Variants in FGF13 observed in about 807,000 individuals in gnomAD.
FGF13 encodes fibroblast growth factor homologous factor 2.
In FGF13, 2 loss-of-function variants were observed where a neutral mutation model predicts 19.5. The observed-to-expected ratio is 0.10, with a 90% confidence interval of 0.04 to 0.32. The LOEUF is 0.32. FGF13 is among the 10% of genes least tolerant of loss of function. The pLI, the probability that FGF13 is intolerant of heterozygous loss-of-function variation, is 1.00. For synonymous variants in FGF13, 72 were observed against 76.9 expected, an observed-to-expected ratio of 0.94 and a Z score of 0.33; for missense variants, 113 against 192.7, an observed-to-expected ratio of 0.59 and a Z score of 2.45.
chrX:138,991,067 T>A (rs2092013659), intron 1 of FGF13, among the ~76,000 whole-genome samples: 2 of 111,994 alleles, frequency 1.8e-5, no homozygotes, highest in Non-Finnish European at 3.8e-5. Flanking sequence ...CCACAGTTAC[T>A]AAAGCTCGAA....
intron 1 of FGF13, among the ~76,000 whole-genome samples, chrX:138,923,827 A>G (rs2091658823): frequency 9.0e-6 from 1 of 111,584 alleles, no homozygotes; most frequent in Non-Finnish European, 1.9e-5. Flanking sequence ...CTAGATAAGC[A>G]TATGTATGGC....
chrX:139,027,461 G>T (rs746776140), intron 1 of FGF13, among the ~76,000 whole-genome samples: 1 of 111,983 alleles, frequency 8.9e-6, no homozygotes, highest in Non-Finnish European at 1.9e-5. Flanking sequence ...TCTTTCCTGA[G>T]TATAAGGACT....
In FGF13 at chrX:138,946,869, C is replaced by T. The variant is rs1207686209; in HGVS notation, c.-112-82219G>A. 5.3e-5 allele frequency among the ~76,000 whole-genome samples: 6 copies of T among 112,187 alleles called. No homozygotes were observed. In the East Asian group the frequency reaches 1.4e-3, roughly 26 times the overall value. The stretch of plus-strand genomic sequence containing the variant: ...TCAGAAAACTGGGATGTTCCTGGCT[C>T]TTCTGTCAGTCTCCAACAACTTCCA... On this transcript the variant is annotated intron_variant, in intron 1 of 2. Coordinates refer to the FGF13 transcript ENST00000421460.
downstream of FGF13, among the ~76,000 whole-genome samples, chrX:138,853,400 C>T (rs778147405): frequency 7.2e-5 from 8 of 111,375 alleles, no homozygotes; most frequent in Non-Finnish European, 1.1e-4. Flanking sequence ...AATAACCCAA[C>T]GCATTATCAG....
At chrX:139,176,861 T>C (rs898153916) in intron 1 of FGF13, among the ~76,000 whole-genome samples, 5 of 111,764 alleles carry the variant, frequency 4.5e-5, no homozygotes, top group African/African-American at 1.6e-4. Context: ...AAGTGCGATG[T>C]GTTGCTTTGA....
chrX:138,682,779 T>C (rs2089742551), intron 3 of FGF13, among the ~76,000 whole-genome samples: 1 of 112,246 alleles, frequency 8.9e-6, no homozygotes, highest in South Asian at 3.7e-4. Context: ...ACAGGTTTTA[T>C]TTGTATTACT....
chrX:138,650,485 C>G (rs2089357768), intron 3 of FGF13, among the ~76,000 whole-genome samples: 2 of 111,867 alleles, frequency 1.8e-5, no homozygotes, highest in African/African-American at 6.5e-5. Context: ...ACAAGTCGTA[C>G]ATGTTCCTAC....
rs1474806757 is a variant in FGF13 at position 138,617,579 on chromosome X, G to T, written c.*15271C>A. The T allele has an allele frequency of 9.0e-6, 1 of 111,527 alleles. No individual in the cohort carries two copies. Among genetic ancestry groups the T allele is most frequent in the Non-Finnish European group, 1.9e-5 (1 of 53,162 alleles). 9.2% of individuals were successfully genotyped at this position (111,527 alleles called of 1,213,427 possible). Reference sequence around the variant, plus strand: ...TGTAAAAGAACCAAGGATCATCATGGTAAAGAGAATGAACATGAGGTGTGT... The same window carrying T: ...TGTAAAAGAACCAAGGATCATCATGTTAAAGAGAATGAACATGAGGTGTGT... On this transcript the variant is annotated 3_prime_UTR_variant, in exon 5 of 5. Coordinates refer to ENST00000315930, the MANE Select transcript of FGF13 (RefSeq NM_004114.5).
chrX:139,129,087 C>T (rs1362178079), intron 1 of FGF13, among the ~76,000 whole-genome samples: 1 of 107,330 alleles, frequency 9.3e-6, no homozygotes, highest in Admixed American at 1.0e-4. Context: ...GGCATTCTTC[C>T]CAAACCTGGT....
chrX:138,804,259 T>A (rs775354833), intron 3 of FGF13, among the ~76,000 whole-genome samples: 1 of 112,423 alleles, frequency 8.9e-6, no homozygotes, highest in Non-Finnish European at 1.9e-5. Flanking sequence ...CAAACCCGTT[T>A]TCCTGACCTT....
rs1415967669 is a variant in FGF13, at chrX:138,625,635, G to C, written c.*7215C>G. ...AAGTGAAATAAGCCAGATGAAAAAAGAAAAAAATGCTACATGACATCCTTT... is the reference window on the plus strand; with the variant it reads ...AAGTGAAATAAGCCAGATGAAAAAACAAAAAAATGCTACATGACATCCTTT... On this transcript the variant is annotated 3_prime_UTR_variant, in exon 5 of 5. Transcript: ENST00000315930. 2 of 104,356 alleles carry C rather than the reference G, an allele frequency of 1.9e-5. No individual in the cohort carries two copies. Among genetic ancestry groups the C allele is most frequent in the Non-Finnish European group, 3.9e-5 (2 of 51,184 alleles). 8.6% of individuals were successfully genotyped at this position (104,356 alleles called of 1,213,427 possible). A position where few individuals can be genotyped will look rare whatever the true frequency, so the allele number is the denominator to read the frequency against.
intron 2 of FGF13, among the ~76,000 whole-genome samples, chrX:138,706,032 A>G (rs2089988986): frequency 1.8e-5 from 2 of 112,553 alleles, no homozygotes; most frequent in Non-Finnish European, 3.8e-5. Flanking sequence ...AATCAGAGCC[A>G]TGTACCTAGT....
In FGF13 at chrX:138,989,752, G is replaced by GAA. The variant is rs5903990; in HGVS notation, c.-112-125104_-112-125103dup. ...AAACAATCATAATTTACTATTAACT[G>GAA]AAAAAAAAAAATAGGTAATACATCT... On this transcript the variant is annotated intron_variant, in intron 1 of 2. Transcript: ENST00000421460. 2.9e-3 allele frequency among the ~76,000 whole-genome samples: 293 copies of GAA among 102,358 alleles called. 1 individual carries two copies. The highest frequency in any genetic ancestry group is 8.4e-3 in the African/African-American group (236 of 28,054). The allele number at this position is 102,358 out of a possible 115,157, so 88.9% of individuals were successfully genotyped here.
chrX:139,040,138 T>C (rs2092264190), intron 1 of FGF13, among the ~76,000 whole-genome samples: 1 of 111,962 alleles, frequency 8.9e-6, no homozygotes, highest in South Asian at 3.7e-4. Context: ...TCCCATTTAA[T>C]CCTCACAATA....
intron 3 of FGF13, among the ~76,000 whole-genome samples, chrX:138,776,672 C>T (rs2090589983): frequency 8.9e-6 from 1 of 112,013 alleles, no homozygotes; most frequent in South Asian, 3.8e-4. Context: ...ATTCCTGCTA[C>T]CAAACCTATA....
At chrX:139,033,252 T>G (rs1042510453) in intron 1 of FGF13, among the ~76,000 whole-genome samples, 2 of 111,231 alleles carry the variant, frequency 1.8e-5, no homozygotes, top group African/African-American at 6.5e-5. Context: ...TTTTCATAAC[T>G]GATTTGCAGA....
At chrX:138,686,570 C>T (rs1253932278) in intron 3 of FGF13, among the ~76,000 whole-genome samples, 2 of 111,811 alleles carry the variant, frequency 1.8e-5, no homozygotes, top group Non-Finnish European at 3.8e-5. Flanking sequence ...GATAATATTT[C>T]ATACTCTTAC....
rs1452498682 is a variant in FGF13, at chrX:138,810,772, C to A, written c.217+46740G>T. 3.6e-5 allele frequency among the ~76,000 whole-genome samples: 4 copies of A among 111,767 alleles called. No homozygotes were observed. In the East Asian group the frequency reaches 8.5e-4, roughly 24 times the overall value. On this transcript the variant is annotated intron_variant, in intron 3 of 6. Transcript: ENST00000436198. The stretch of plus-strand genomic sequence containing the variant: ...GGAAAAAATCAAACAACCCCATCAA[C>A]AAGTGGATGAAGGATATGAACAGAC...
At chrX:139,112,198 C>T (rs950399344) in intron 1 of FGF13, among the ~76,000 whole-genome samples, 1 of 111,679 alleles carries the variant, frequency 9.0e-6, no homozygotes, top group Non-Finnish European at 1.9e-5. Context: ...GGGCAAGTCT[C>T]TCAATCTTTC....
Sources: gnomAD v4.1 joint callset for allele counts (sites outside exome capture counted in the v4.1 genomes callset) on GRCh38, gnomAD v4.1.1 for gene constraint, MANE v1.5 for transcripts, NCBI Gene and HGNC (gene_info 2026-07-23, HGNC 2026-07-21) for gene names.